The following AKAP19 variants were observed in gnomAD, a reference collection of about 807,000 sequenced individuals.
AKAP19 encodes the protein A-kinase anchoring protein 19.
the AKAP19 span, among the ~76,000 whole-genome samples, chr2:190,033,267 GC>G: frequency 1.1e-4 from 16 of 152,110 alleles, no homozygotes; most frequent in Admixed American, 2.0e-4. Flanking sequence ...TAATTGTGCT[GC>G]TTACAGATGA....
chr2:190,031,426 C>A, the AKAP19 span, among the ~76,000 whole-genome samples: 1 of 152,118 alleles, frequency 6.6e-6, no homozygotes, highest in Non-Finnish European at 1.5e-5. Context: ...GAGTTGCCTT[C>A]TTTTATTTTG....
the AKAP19 span, among the ~76,000 whole-genome samples, chr2:189,932,840 T>G: frequency 6.6e-6 from 1 of 152,196 alleles, no homozygotes; most frequent in African/African-American, 2.4e-5. Context: ...ATGGGATTGT[T>G]TTACATTATT....
chr2:190,001,049 T>C, the AKAP19 span, among the ~76,000 whole-genome samples: 2 of 152,222 alleles, frequency 1.3e-5, no homozygotes, highest in African/African-American at 2.4e-5. Flanking sequence ...ATAATGTATA[T>C]TGACCTATCA....
chr2:189,995,938 C>A, the AKAP19 span, among the ~76,000 whole-genome samples: 1 of 152,134 alleles, frequency 6.6e-6, no homozygotes, highest in Non-Finnish European at 1.5e-5. Context: ...TCATTTCTGG[C>A]TTTTAGGGTT....
At chr2:190,148,994 A>T in the AKAP19 span, among the ~76,000 whole-genome samples, 3 of 126,936 alleles carry the variant, frequency 2.4e-5, no homozygotes, top group African/African-American at 6.4e-5. Context: ...ATAGAGTTTC[A>T]CTCTTCTTGC....
chr2:190,059,361 G>A, the AKAP19 span, among the ~76,000 whole-genome samples: 18,337 of 151,664 alleles, frequency 0.12, 1,425 homozygotes, highest in Middle Eastern at 0.22. Context: ...TAAATTAGTC[G>A]GCCTTCCCTG....
the AKAP19 span, among the ~76,000 whole-genome samples, chr2:189,981,309 G>A: frequency 7.1e-6 from 1 of 140,346 alleles, no homozygotes; most frequent in African/African-American, 2.7e-5. Context: ...TTGGTTTGAA[G>A]TCTGTTTTAT....
chr2:190,054,985 C>A, the AKAP19 span, among the ~76,000 whole-genome samples: 2 of 152,104 alleles, frequency 1.3e-5, no homozygotes, highest in Non-Finnish European at 2.9e-5. Context: ...TGGGTGTGTA[C>A]CCAAAGGACT....
At chr2:189,999,465 T>C in the AKAP19 span, among the ~76,000 whole-genome samples, 1 of 152,172 alleles carries the variant, frequency 6.6e-6, no homozygotes. Flanking sequence ...AAAAGATATA[T>C]TTGGAATCTT....
At chr2:190,004,103 C>G in the AKAP19 span, among the ~76,000 whole-genome samples, 1 of 143,478 alleles carries the variant, frequency 7.0e-6, no homozygotes, top group South Asian at 2.1e-4. Flanking sequence ...TCTCTCTCTA[C>G]TCTAGTGGAA....
the AKAP19 span, among the ~76,000 whole-genome samples, chr2:190,197,195 C>T: frequency 6.6e-6 from 1 of 152,150 alleles, no homozygotes; most frequent in African/African-American, 2.4e-5. The surrounding 1 kb of genome is among the most constrained non-coding windows in gnomAD (Gnocchi z 4.0). Context: ...CCACAAACAT[C>T]CTAGCTCACA....
the AKAP19 span, among the ~76,000 whole-genome samples, chr2:190,170,010 G>A: frequency 3.3e-4 from 51 of 152,310 alleles, 1 homozygote; most frequent in South Asian, 9.3e-3. Flanking sequence ...ACTTCTGCAC[G>A]AACCTAATGT....
the AKAP19 span, among the ~76,000 whole-genome samples, chr2:189,893,774 G>C: frequency 6.6e-6 from 1 of 151,764 alleles, no homozygotes; most frequent in Non-Finnish European, 1.5e-5. Flanking sequence ...AACATTTGGG[G>C]AAAAAAAGGC....
chr2:190,066,604 AGATAATCATCCCACATTGAT>A, the AKAP19 span, among the ~76,000 whole-genome samples: 1 of 152,196 alleles, frequency 6.6e-6, no homozygotes, highest in Non-Finnish European at 1.5e-5. Flanking sequence ...CATCATGAGA[AGATAATCATCCCACATTGAT>A]GATAACTGAT....
the AKAP19 span, among the ~76,000 whole-genome samples, chr2:189,905,559 A>G: frequency 6.6e-6 from 1 of 152,020 alleles, no homozygotes; most frequent in Non-Finnish European, 1.5e-5. Flanking sequence ...TCTGCAGTCT[A>G]TAGATTACCT....
At chr2:190,057,980 GAGA>G in the AKAP19 span, among the ~76,000 whole-genome samples, 4 of 152,032 alleles carry the variant, frequency 2.6e-5, no homozygotes, top group Middle Eastern at 3.4e-3. Context: ...AGAGAGAGAG[GAGA>G]AGAAGAAGTG....
the AKAP19 span, among the ~76,000 whole-genome samples, chr2:190,070,149 G>A: frequency 6.6e-6 from 1 of 152,066 alleles, no homozygotes; most frequent in Non-Finnish European, 1.5e-5. Flanking sequence ...CCATGGTTCC[G>A]GCTTGGCAAC....
chr2:189,898,521 C>T, the AKAP19 span, among the ~76,000 whole-genome samples: 1 of 152,034 alleles, frequency 6.6e-6, no homozygotes, highest in Non-Finnish European at 1.5e-5. Flanking sequence ...CCAGTGTGCC[C>T]ACATGCCTCT....
At chr2:189,936,285 C>CACAT in the AKAP19 span, among the ~76,000 whole-genome samples, 100 of 150,706 alleles carry the variant, frequency 6.6e-4, no homozygotes, top group East Asian at 0.018. Context: ...CACACACACA[C>CACAT]GGCTATCTCT....
Sources: allele counts gnomAD v4.1 joint callset (sites outside exome capture counted in the v4.1 genomes callset), GRCh38; gene constraint gnomAD v4.1.1; non-coding constraint Gnocchi (gnomAD v3.1); transcripts MANE v1.5; gene names NCBI Gene and HGNC (gene_info 2026-07-23, HGNC 2026-07-21).